The following HIVEP2 variants were observed in gnomAD, a reference collection of about 807,000 sequenced individuals.
HIVEP2 encodes HIVEP zinc finger 2.
Under a neutral mutation model 180.7 loss-of-function variants are expected in HIVEP2, and 14 were observed. That is an observed-to-expected ratio of 0.08 (90% confidence interval 0.05 to 0.12). HIVEP2 has a LOEUF of 0.12. Ranked by LOEUF, HIVEP2 falls within the 10% of genes least tolerant of loss-of-function variation. HIVEP2 has a pLI of 1.00. For synonymous variants in HIVEP2, 1,184 were observed against 1,136.4 expected (o/e 1.04, Z -0.84); for missense variants, 2,579 against 3,008.5 (o/e 0.86, Z 3.34).
In HIVEP2 at chr6:142,773,882, G is replaced by T; in HGVS notation, c.857C>A (p.Ser286Tyr). The T allele has an allele frequency of 6.2e-7, 1 of 1,613,712 alleles. No individual in the cohort carries two copies. Residue 286 changes from serine (S) to tyrosine (Y), a missense_variant, in exon 5 of 10, where the codon TCT becomes TAT. This residue lies in a region of HIVEP2 where 142 missense variants were observed against 135.2 expected (regional missense o/e 1.05). Transcript: ENST00000367603. ...EQSTDTDEESSLFAEASDKMS... is the reference protein window; with the variant it reads ...EQSTDTDEESYLFAEASDKMS... ...TTTGTCAGAAGCCTCGGCAAATAAA[G>T]AACTCTCCTCATCTGTGTCTGTACT...
At chr6:142,921,576 G>A (rs1777684080) in intron 1 of HIVEP2, among the ~76,000 whole-genome samples, 1 of 152,174 alleles carries the variant, frequency 6.6e-6, no homozygotes, top group Non-Finnish European at 1.5e-5. Flanking sequence ...CTAGAAAAGT[G>A]TCTGATGTTC....
rs925201208 is a variant in HIVEP2 at position 142,945,022 on chromosome 6, A to T, written c.-641+77T>A. The T allele has an allele frequency of 4.1e-5, 6 of 147,314 alleles. No individual in the cohort carries two copies. The highest frequency in any genetic ancestry group is 1.5e-4 in the African/African-American group (6 of 40,888). 9.1% of individuals were successfully genotyped at this position (147,314 alleles called of 1,614,324 possible). ...GCCTTCGCTGCGCTCGCTCGGCCGC[A>T]GGCCGGCGGCCCGGGCCTCGCGCCG... On this transcript the variant is annotated intron_variant, in intron 1 of 9. Transcript: ENST00000367603. The surrounding 1 kb of genome is among the most constrained non-coding windows in gnomAD (Gnocchi z 5.5).
intron 4 of HIVEP2, among the ~76,000 whole-genome samples, 156 bp downstream of exon 4, chr6:142,775,991 T>A (rs1775544953): frequency 6.6e-6 from 1 of 151,996 alleles, no homozygotes; most frequent in East Asian, 1.9e-4. Context: ...CAGCTTAAAA[T>A]CAGTGATTAA....
chr6:142,800,958 G>C (rs1184866663), intron 2 of HIVEP2, among the ~76,000 whole-genome samples: 1 of 152,044 alleles, frequency 6.6e-6, no homozygotes, highest in Non-Finnish European at 1.5e-5. Context: ...TAGTTACATA[G>C]TGATAACTGG....
At chr6:142,856,270 G>A (rs2114939083) in intron 1 of HIVEP2, among the ~76,000 whole-genome samples, 1 of 87,046 alleles carries the variant, frequency 1.1e-5, no homozygotes, top group East Asian at 3.1e-4. Flanking sequence ...TTAATATCCA[G>A]GATTCTCCCC....
In HIVEP2 at chr6:142,752,150, T is replaced by A. The variant is rs1028268571; in HGVS notation, c.*957A>T. Reference sequence around the variant, plus strand: ...CTAGCATAGGTCTGTGGCAACCTAGTGTCCAACTGAGTTACATAAAATTGT... The same window carrying A: ...CTAGCATAGGTCTGTGGCAACCTAGAGTCCAACTGAGTTACATAAAATTGT... On this transcript the variant is annotated 3_prime_UTR_variant, in exon 10 of 10. Coordinates refer to ENST00000367603, the MANE Select transcript of HIVEP2 (RefSeq NM_006734.4). The A allele has an allele frequency of 1.3e-5, 2 of 152,682 alleles. No individual in the cohort carries two copies. Among genetic ancestry groups the A allele is most frequent in the African/African-American group, 4.8e-5 (2 of 41,464 alleles). 9.5% of individuals were successfully genotyped at this position (152,682 alleles called of 1,614,324 possible). A position where few individuals can be genotyped will look rare whatever the true frequency, so the allele number is the denominator to read the frequency against.
intron 2 of HIVEP2, among the ~76,000 whole-genome samples, chr6:142,811,182 CAT>C (rs1491432168): frequency 1.9e-5 from 2 of 106,440 alleles, no homozygotes; most frequent in African/African-American, 5.3e-5. Flanking sequence ...GAGGCACGTG[CAT>C]GTGTGTGTGT....
chr6:142,801,829 A>T (rs1298642595), intron 2 of HIVEP2, among the ~76,000 whole-genome samples: 1 of 152,208 alleles, frequency 6.6e-6, no homozygotes, highest in East Asian at 1.9e-4. Flanking sequence ...ATGTCCCATC[A>T]CAGGCCTTCT....
intron 1 of HIVEP2, among the ~76,000 whole-genome samples, chr6:142,882,344 C>T (rs1776592763): frequency 1.3e-5 from 2 of 152,154 alleles, no homozygotes; most frequent in South Asian, 2.1e-4. Context: ...AGGGCAGTAG[C>T]TCATGCCTGT....
At chr6:142,755,471 AC>A (rs1422826078) in intron 9 of HIVEP2, among the ~76,000 whole-genome samples, 6 of 152,206 alleles carry the variant, frequency 3.9e-5, no homozygotes, top group African/African-American at 1.4e-4. Flanking sequence ...TCTTTTAATC[AC>A]AGCAATCACA....
At chr6:142,819,043 A>T (rs1369072853) in intron 2 of HIVEP2, among the ~76,000 whole-genome samples, 1 of 22,190 alleles carries the variant, frequency 4.5e-5, no homozygotes, top group Admixed American at 5.9e-4. Context: ...GAAGGGAGAG[A>T]GGGAGGGAGG....
rs1342245067 is a variant in HIVEP2, at chr6:142,862,162, AT to A, written c.-640-25116del. On this transcript the variant is annotated intron_variant, in intron 1 of 9. Coordinates refer to ENST00000367603, the MANE Select transcript of HIVEP2 (RefSeq NM_006734.4). ...TCTTTTTACACTGTAGAGAATAAACATTAATACCCAAAACGTGTGTTTGACT... is the reference window on the plus strand; with the variant it reads ...TCTTTTTACACTGTAGAGAATAAACATAATACCCAAAACGTGTGTTTGACT... Among the ~76,000 whole-genome samples the A allele has an allele frequency of 2.6e-5, 4 of 152,166 alleles. No individual in the cohort carries two copies. In the East Asian group the frequency reaches 7.7e-4, roughly 29 times the overall value.
chr6:142,756,800 T>TCTATCTAA (rs1309931099), intron 9 of HIVEP2, among the ~76,000 whole-genome samples: 2 of 88,250 alleles, frequency 2.3e-5, no homozygotes, highest in Non-Finnish European at 4.4e-5. Context: ...AGATACCTTA[T>TCTATCTAA]CTATCTATCT....
intron 2 of HIVEP2, among the ~76,000 whole-genome samples, chr6:142,822,225 G>A (rs573386777): frequency 3.3e-5 from 5 of 152,320 alleles, no homozygotes; most frequent in Non-Finnish European, 7.4e-5. Flanking sequence ...CTCCTTGGCA[G>A]TCTGATGAAG....
chr6:142,783,886 A>G (rs1775920774), intron 2 of HIVEP2, among the ~76,000 whole-genome samples: 1 of 152,192 alleles, frequency 6.6e-6, no homozygotes, highest in Admixed American at 6.5e-5. Context: ...AGCACTAGAA[A>G]TTGTGTCATT....
chr6:142,755,203 T>G (rs909872234), intron 9 of HIVEP2, among the ~76,000 whole-genome samples: 2 of 152,246 alleles, frequency 1.3e-5, no homozygotes, highest in African/African-American at 4.8e-5. Flanking sequence ...ATATATCATA[T>G]GCAAGCTGGA....
chr6:142,855,195 G>A (rs1356950437), intron 1 of HIVEP2, among the ~76,000 whole-genome samples: 3 of 152,190 alleles, frequency 2.0e-5, no homozygotes, highest in Non-Finnish European at 4.4e-5. Context: ...AACCACCCAC[G>A]TGGTAAGTTC....
intron 1 of HIVEP2, among the ~76,000 whole-genome samples, chr6:142,917,933 G>A (rs1034314805): frequency 1.3e-5 from 2 of 152,076 alleles, no homozygotes; most frequent in East Asian, 1.9e-4. Flanking sequence ...GCACCACCAC[G>A]CCTGGCTGAT....
intron 1 of HIVEP2, among the ~76,000 whole-genome samples, chr6:142,872,270 A>C (rs1776307955): frequency 6.6e-6 from 1 of 152,208 alleles, no homozygotes; most frequent in East Asian, 1.9e-4. Context: ...AATCTGCGTT[A>C]GATCAAATAT....
Sources: allele counts gnomAD v4.1 joint callset (sites outside exome capture counted in the v4.1 genomes callset), GRCh38; gene constraint gnomAD v4.1.1; regional missense constraint gnomAD v4.1.1; non-coding constraint Gnocchi (gnomAD v3.1); transcripts MANE v1.5; gene names NCBI Gene and HGNC (gene_info 2026-07-23, HGNC 2026-07-21).